AHI1: variants seen among roughly 807,000 people sequenced by gnomAD.
The protein encoded by AHI1 is jouberin.
A neutral mutation model predicts 149.3 loss-of-function variants in AHI1; 123 were observed. That is an observed-to-expected ratio of 0.82 (90% CI 0.71 to 0.96). The LOEUF is 0.96. Ranked by LOEUF, AHI1 falls within the 40% of genes least tolerant of loss-of-function variation. The probability of loss-of-function intolerance (pLI) is 0.00; values close to 1 mark genes in which losing one functional copy is unlikely to be tolerated. For synonymous variants in AHI1, 475 were observed against 459.8 expected (o/e 1.03, Z -0.42); for missense variants, 1,439 against 1,422.7 (o/e 1.01, Z -0.18).
chr6:135,489,162 G>A (rs770156564), intron 5 of AHI1, among the ~76,000 whole-genome samples: 3 of 152,060 alleles, frequency 2.0e-5, no homozygotes, highest in Non-Finnish European at 4.4e-5. Context: ...GTTCTTTTGA[G>A]CTGCGAAATA....
intron 27 of AHI1, among the ~76,000 whole-genome samples, chr6:135,295,984 C>A (rs889603211): frequency 6.6e-6 from 1 of 152,130 alleles, no homozygotes; most frequent in Non-Finnish European, 1.5e-5. Context: ...TCCTGAGGAG[C>A]TGGGATTCCA....
At chr6:135,443,317 A>T (rs1447914506) in intron 13 of AHI1, among the ~76,000 whole-genome samples, 1 of 152,208 alleles carries the variant, frequency 6.6e-6, no homozygotes, top group Non-Finnish European at 1.5e-5. Flanking sequence ...TTTTCTGGGT[A>T]TTAATGTCTA....
In AHI1 at chr6:135,490,678, A is replaced by G; in HGVS notation, c.80T>C (p.Met27Thr). The G allele has an allele frequency of 1.2e-6, 2 of 1,613,358 alleles. No homozygotes were observed. The highest frequency in any genetic ancestry group is 2.2e-5 in the East Asian group (1 of 44,826). ...EELLKTHSDL[M>T]REKKKLKKKL... ...TTTCTTCAGTTTTTTCTTTTCACGC[A>G]TTAGATCACTGTGGGTCTTAAGCAA... Residue 27 changes from methionine (M) to threonine (T), a missense_variant, in exon 5 of 29, where the codon ATG (methionine) becomes ACG (threonine). By Grantham distance (81) the Met-to-Thr change is moderately conservative. Coordinates refer to ENST00000265602, the MANE Select transcript of AHI1 (RefSeq NM_001134831.2).
intron 23 of AHI1, among the ~76,000 whole-genome samples, chr6:135,360,737 T>C (rs750588963): frequency 5.3e-5 from 8 of 152,236 alleles, no homozygotes; most frequent in Non-Finnish European, 7.3e-5. Context: ...GTTAAAATGT[T>C]GATGTTAGTA....
chr6:135,288,591 C>A (rs1342036016), intron 28 of AHI1, among the ~76,000 whole-genome samples: 1 of 151,890 alleles, frequency 6.6e-6, no homozygotes, highest in Admixed American at 6.6e-5. Flanking sequence ...ATTTTATAAT[C>A]ATTTTTTACT....
intron 25 of AHI1, among the ~76,000 whole-genome samples, chr6:135,320,661 T>G (rs1786678055): frequency 6.6e-6 from 1 of 152,226 alleles, no homozygotes; most frequent in Non-Finnish European, 1.5e-5. Context: ...TAAGAGGTTA[T>G]TTTTGTAAAC....
intron 24 of AHI1, among the ~76,000 whole-genome samples, chr6:135,339,262 A>G (rs905141760): frequency 6.6e-6 from 1 of 152,206 alleles, no homozygotes; most frequent in Admixed American, 6.5e-5. Flanking sequence ...ATAATCTCAA[A>G]TATCCTCTTA....
intron 2 of AHI1, among the ~76,000 whole-genome samples, 182 bp from the exon 3 acceptor site, chr6:135,496,080 G>A (rs976062353): frequency 6.6e-6 from 1 of 151,678 alleles, no homozygotes; most frequent in East Asian, 1.9e-4. Context: ...CTAATATTAT[G>A]TAATGATAAC....
intron 24 of AHI1, among the ~76,000 whole-genome samples, chr6:135,350,298 T>G (rs1351510007): frequency 6.6e-6 from 1 of 152,172 alleles, no homozygotes; most frequent in Non-Finnish European, 1.5e-5. Flanking sequence ...ACACTCCATT[T>G]CCATACTTGC....
intron 21 of AHI1, among the ~76,000 whole-genome samples, chr6:135,408,649 C>T (rs1446261943): frequency 6.6e-6 from 1 of 152,082 alleles, no homozygotes; most frequent in Non-Finnish European, 1.5e-5. Flanking sequence ...AAAGCTGTCT[C>T]AATGTAGTTC....
At chr6:135,406,427 A>T (rs1421758137) in intron 21 of AHI1, among the ~76,000 whole-genome samples, 1 of 152,144 alleles carries the variant, frequency 6.6e-6, no homozygotes, top group Admixed American at 6.5e-5. Flanking sequence ...TACTTGTGTG[A>T]TCTTGGTTAT....
At chr6:135,374,104 ATATATTTTTTTTT>A (rs947569599) in intron 23 of AHI1, among the ~76,000 whole-genome samples, 6 of 32,090 alleles carry the variant, frequency 1.9e-4, no homozygotes, top group African/African-American at 7.3e-4. Context: ...ATATATATAT[ATATATTTTTTTTT>A]TTTTTTTTTT....
intron 24 of AHI1, among the ~76,000 whole-genome samples, chr6:135,330,882 G>A (rs1043243285): frequency 6.6e-5 from 10 of 152,278 alleles, no homozygotes; most frequent in African/African-American, 2.4e-4. Flanking sequence ...CTTTGCTTGT[G>A]TTAATTTGGC....
chr6:135,475,875 CG>C (rs1351980485), intron 5 of AHI1, among the ~76,000 whole-genome samples: 2 of 152,048 alleles, frequency 1.3e-5, no homozygotes, highest in African/African-American at 4.8e-5. Flanking sequence ...TTATCAAGCC[CG>C]GGGGTGGCCA....
At position 135,283,749 on chromosome 6, in the gene AHI1, G is replaced by A. The variant is rs1242729942; in HGVS notation, c.*1896C>T. 1.3e-5 allele frequency: 2 copies of A among 152,112 alleles called. No individual in the cohort carries two copies. Among genetic ancestry groups the A allele is most frequent in the African/African-American group, 2.4e-5 (1 of 41,426 alleles). The allele number at this position is 152,112 out of a possible 1,614,324, so 9.4% of individuals were successfully genotyped here. A position where few individuals can be genotyped will look rare whatever the true frequency, so the allele number is the denominator to read the frequency against. On this transcript the variant is annotated 3_prime_UTR_variant, in exon 29 of 29. Coordinates refer to ENST00000265602, the MANE Select transcript of AHI1 (RefSeq NM_001134831.2). ...TTGTCAGCGAGACAAAGGGGAAAAG[G>A]ACTGGGCTTTCAGTAGAGCCAAATT...
chr6:135,296,301 T>G (rs1204701819), intron 27 of AHI1, among the ~76,000 whole-genome samples: 1 of 152,220 alleles, frequency 6.6e-6, no homozygotes. Flanking sequence ...TTCAATATTA[T>G]TTTAACTGGT....
intron 24 of AHI1, among the ~76,000 whole-genome samples, chr6:135,348,708 T>C (rs1337183565): frequency 6.6e-6 from 1 of 152,158 alleles, no homozygotes; most frequent in Non-Finnish European, 1.5e-5. Context: ...AGGCAGCTAT[T>C]AACACAGTTG....
At chr6:135,294,724 G>GAA (rs944866844) in intron 27 of AHI1, among the ~76,000 whole-genome samples, 24 of 119,530 alleles carry the variant, frequency 2.0e-4, no homozygotes, top group African/African-American at 7.4e-4. Context: ...AAAAGAAAAA[G>GAA]AAAAAAAAGA....
intron 23 of AHI1, among the ~76,000 whole-genome samples, chr6:135,379,296 A>T (rs767939625): frequency 3.3e-5 from 5 of 152,064 alleles, no homozygotes; most frequent in African/African-American, 4.8e-5. Flanking sequence ...GGCACCCTCA[A>T]ATTCTACTTC....
Sources: allele counts gnomAD v4.1 joint callset (sites outside exome capture counted in the v4.1 genomes callset), GRCh38; gene constraint gnomAD v4.1.1; transcripts MANE v1.5; gene names NCBI Gene and HGNC (gene_info 2026-07-23, HGNC 2026-07-21).